The following CEP112 variants were observed in gnomAD, a reference collection of about 807,000 sequenced individuals.
The protein encoded by CEP112 is centrosomal protein 112, also known as centrosomal protein of 112 kDa.
Under a neutral mutation model 153.0 loss-of-function variants are expected in CEP112, and 127 were observed. That is an observed-to-expected ratio of 0.83 (90% CI 0.72 to 0.96). The LOEUF (loss-of-function observed/expected upper bound fraction) is 0.96, where lower values mean the gene tolerates loss of function less well. Among genes scored for constraint, CEP112 ranks in the 40% least tolerant of loss-of-function variants. The probability of loss-of-function intolerance (pLI) is 0.00; values close to 1 mark genes in which losing one functional copy is unlikely to be tolerated. For missense variants in CEP112, 1,089 were observed against 1,101.2 expected (o/e 0.99, Z 0.16); for synonymous variants, 358 against 374.4 (o/e 0.96, Z 0.51).
chr17:66,081,145 A>G (rs890732683), intron 8 of CEP112, among the ~76,000 whole-genome samples: 1 of 152,222 alleles, frequency 6.6e-6, no homozygotes, highest in African/African-American at 2.4e-5. Flanking sequence ...CATGTATCCC[A>G]GAACTTAAAG....
At chr17:66,013,053 A>C in intron 16 of CEP112, among the ~76,000 whole-genome samples, 1 of 152,122 alleles carries the variant, frequency 6.6e-6, no homozygotes, top group Non-Finnish European at 1.5e-5. Context: ...TCGTGAAGTG[A>C]GTTGTCCAGC....
chr17:66,092,675 TG>T (rs2068187789), intron 8 of CEP112, among the ~76,000 whole-genome samples: 1 of 152,184 alleles, frequency 6.6e-6, no homozygotes, highest in Non-Finnish European at 1.5e-5. Flanking sequence ...GCATTCACCA[TG>T]ATCAAGTGGA....
At chr17:65,919,264 C>G (rs1312785670) in intron 19 of CEP112, among the ~76,000 whole-genome samples, 1 of 152,020 alleles carries the variant, frequency 6.6e-6, no homozygotes, top group Non-Finnish European at 1.5e-5. Context: ...CGTTGCTTTC[C>G]CACAATCGAA....
intron 4 of CEP112, among the ~76,000 whole-genome samples, chr17:66,153,103 C>T (rs200359527): frequency 3.3e-5 from 5 of 151,984 alleles, no homozygotes; most frequent in Non-Finnish European, 7.4e-5. Context: ...AATGGGGATA[C>T]AAAATGGAAC....
At chr17:65,723,641 T>A (rs889222199) in intron 23 of CEP112, among the ~76,000 whole-genome samples, 1 of 152,178 alleles carries the variant, frequency 6.6e-6, no homozygotes, top group Non-Finnish European at 1.5e-5. Flanking sequence ...AAAATAATGC[T>A]TGTCTCTAAG....
At chr17:66,037,384 T>C (rs898819561) in intron 12 of CEP112, among the ~76,000 whole-genome samples, 2 of 152,158 alleles carry the variant, frequency 1.3e-5, no homozygotes, top group African/African-American at 4.8e-5. Context: ...CCTCTCCCTG[T>C]TCTCTCCTCT....
intron 17 of CEP112, among the ~76,000 whole-genome samples, chr17:65,999,758 C>T (rs1316880247): frequency 3.6e-5 from 5 of 138,588 alleles, no homozygotes; most frequent in African/African-American, 1.3e-4. Context: ...GTGTGTTGTT[C>T]CCTTCTATGT....
At chr17:65,767,010 G>T (rs1230198798) in intron 21 of CEP112, among the ~76,000 whole-genome samples, 1 of 151,724 alleles carries the variant, frequency 6.6e-6, no homozygotes, top group East Asian at 1.9e-4. Context: ...AAATTAAAAG[G>T]GAAATACTGA....
intron 19 of CEP112, among the ~76,000 whole-genome samples, chr17:65,916,565 T>C (rs1034332545): frequency 4.7e-5 from 7 of 149,588 alleles, no homozygotes; most frequent in Non-Finnish European, 8.9e-5. Flanking sequence ...AATGGGTGGG[T>C]GGGGTCTTGC....
At chr17:66,144,094 T>C (rs1043370848) in intron 4 of CEP112, among the ~76,000 whole-genome samples, 2 of 152,202 alleles carry the variant, frequency 1.3e-5, no homozygotes, top group Admixed American at 1.3e-4. Flanking sequence ...ACCTGATTTT[T>C]ATTGTTTACT....
intron 4 of CEP112, among the ~76,000 whole-genome samples, chr17:66,168,437 A>ATATG (rs2072081977): frequency 1.4e-5 from 2 of 142,950 alleles, no homozygotes; most frequent in African/African-American, 2.5e-5. Flanking sequence ...ATATATGTAT[A>ATATG]TATATGTGTG....
At chr17:66,152,121 A>G (rs1280801943) in intron 4 of CEP112, among the ~76,000 whole-genome samples, 1 of 152,160 alleles carries the variant, frequency 6.6e-6, no homozygotes, top group Non-Finnish European at 1.5e-5. Flanking sequence ...ATCTGAAAGT[A>G]AAGTACAGCC....
Position 66,183,200 on chromosome 17 carries a change from T to G in CEP112, c.100A>C (p.Arg34=). ...MKPFVLKLPH[R]TERQRCALWI... is the part of the protein sequence containing the mutation. ...TCTTCAAACATAATCTTACCTGTCC[T>G]ATGAGGTAATTTTAGAACAAAGGGC... Residue 34 remains arginine, a synonymous_variant, in exon 2 of 27, where the codon AGG becomes CGG. Coordinates refer to ENST00000535342, the MANE Select transcript of CEP112 (RefSeq NM_001199165.4). 6.3e-7 allele frequency: 1 copy of G among 1,592,626 alleles called. No individual in the cohort carries two copies. The highest frequency in any genetic ancestry group is 8.6e-7 in the Non-Finnish European group (1 of 1,166,176).
At chr17:65,884,969 G>T (rs2146650675) in intron 20 of CEP112, among the ~76,000 whole-genome samples, 1 of 152,112 alleles carries the variant, frequency 6.6e-6, no homozygotes, top group Non-Finnish European at 1.5e-5. Flanking sequence ...ACCCTCCTCG[G>T]CCTCCCAAAG....
intron 15 of CEP112, 142 bp from the exon 16 acceptor site, chr17:66,027,702 G>A: frequency 1.8e-6 from 1 of 566,852 alleles, no homozygotes; most frequent in Non-Finnish European, 2.6e-6. Flanking sequence ...AGCCCTACAG[G>A]TAGAAATTGG....
At position 66,003,677 on chromosome 17, in the gene CEP112, T is replaced by C. The variant is rs1013311469; in HGVS notation, c.1736+2013A>G. On this transcript the variant is annotated intron_variant, in intron 17 of 26. Coordinates refer to ENST00000535342, the MANE Select transcript of CEP112 (RefSeq NM_001199165.4). ...AACCCCTGGGCACCATACAGGTCCA[T>C]GGCCTGTTAGGAACCAGGCCACAGC... Among the ~76,000 whole-genome samples the C allele has an allele frequency of 9.2e-5, 14 of 152,192 alleles. 1 individual carries two copies. In the East Asian group the frequency reaches 1.2e-3, roughly 13 times the overall value.
At chr17:65,681,056 G>A (rs1256635198) in intron 24 of CEP112, among the ~76,000 whole-genome samples, 2 of 152,184 alleles carry the variant, frequency 1.3e-5, no homozygotes, top group African/African-American at 4.8e-5. Context: ...AGAAAGTGCT[G>A]CAAAGGCACA....
intron 23 of CEP112, among the ~76,000 whole-genome samples, chr17:65,719,614 G>A (rs2049752390): frequency 1.3e-5 from 2 of 151,994 alleles, no homozygotes; most frequent in African/African-American, 4.8e-5. Flanking sequence ...ACCAGTCCTA[G>A]AGGCTGGAAT....
chr17:65,768,494 C>T, intron 21 of CEP112, among the ~76,000 whole-genome samples: 1 of 151,996 alleles, frequency 6.6e-6, no homozygotes. Flanking sequence ...ATACCTAAGC[C>T]AGAAAAAGCA....
Sources: gnomAD v4.1 joint callset for allele counts (sites outside exome capture counted in the v4.1 genomes callset) on GRCh38, gnomAD v4.1.1 for gene constraint, MANE v1.5 for transcripts, NCBI Gene and HGNC (gene_info 2026-07-23, HGNC 2026-07-21) for gene names.